GXYLT2: variants seen among roughly 807,000 people sequenced by gnomAD.
GXYLT2 encodes glucoside xylosyltransferase 2.
In GXYLT2, 53 loss-of-function variants were observed where a neutral mutation model predicts 45.8. The ratio of observed to expected loss-of-function variants is 1.16; its 90% CI spans 0.93 to 1.46. The LOEUF (loss-of-function observed/expected upper bound fraction) is 1.46, where lower values mean the gene tolerates loss of function less well. Among genes scored for constraint, GXYLT2 ranks in the 40% most tolerant of loss-of-function variants. The pLI, the probability that GXYLT2 is intolerant of heterozygous loss-of-function variation, is 0.00. For synonymous variants in GXYLT2, 219 were observed against 214.2 expected (o/e 1.02, Z -0.19); for missense variants, 551 against 544.4 (o/e 1.01, Z -0.12).
chr3:72,909,153 C>T (rs1044953684), intron 2 of GXYLT2, among the ~76,000 whole-genome samples: 2 of 144,832 alleles, frequency 1.4e-5, no homozygotes, highest in Admixed American at 1.4e-4. Flanking sequence ...ATTGCACCCT[C>T]TGTTTCCTGG....
At chr3:72,944,816 A>G (rs544048688) in intron 3 of GXYLT2, among the ~76,000 whole-genome samples, 49 of 152,126 alleles carry the variant, frequency 3.2e-4, no homozygotes, top group African/African-American at 1.1e-3. Flanking sequence ...TTTAGTTTGC[A>G]GGGCATTTTC....
chr3:72,936,725 A>G (rs1012383841), intron 3 of GXYLT2, among the ~76,000 whole-genome samples: 4 of 152,214 alleles, frequency 2.6e-5, no homozygotes, highest in Non-Finnish European at 4.4e-5. Context: ...CAGGAAAAAC[A>G]CTTGTACAGA....
At chr3:72,901,663 C>T (rs1402285718) in intron 1 of GXYLT2, among the ~76,000 whole-genome samples, 1 of 142,968 alleles carries the variant, frequency 7.0e-6, no homozygotes, top group Admixed American at 7.3e-5. Flanking sequence ...TGGGTTCAAG[C>T]AATTCTCCTG....
chr3:72,945,171 C>T (rs1410559914), intron 3 of GXYLT2, among the ~76,000 whole-genome samples: 1 of 151,758 alleles, frequency 6.6e-6, no homozygotes, highest in Non-Finnish European at 1.5e-5. Context: ...GCCTGTAGTC[C>T]CTGCTACTAA....
chr3:72,970,699 CTAAAAATA>C (rs1710972717), intron 6 of GXYLT2, among the ~76,000 whole-genome samples: 1 of 151,934 alleles, frequency 6.6e-6, no homozygotes, highest in African/African-American at 2.4e-5. Flanking sequence ...CCCGTCTCTA[CTAAAAATA>C]CAAAATTAGC....
At chr3:72,966,458 C>CTTTTTTTTTTTTTTTTTTTT (rs10662974) in intron 5 of GXYLT2, among the ~76,000 whole-genome samples, 18 of 101,636 alleles carry the variant, frequency 1.8e-4, no homozygotes, top group African/African-American at 2.4e-4. Flanking sequence ...TTGTGTGTAT[C>CTTTTTTTTTTTTTTTTTTTT]TTTTTTTTTT....
intron 3 of GXYLT2, among the ~76,000 whole-genome samples, chr3:72,932,005 T>C (rs1710046494): frequency 6.6e-6 from 1 of 151,888 alleles, no homozygotes; most frequent in Non-Finnish European, 1.5e-5. Flanking sequence ...TGAATAATTG[T>C]ATTTCAATCA....
At chr3:72,897,781 C>G (rs1709321658) in intron 1 of GXYLT2, among the ~76,000 whole-genome samples, 1 of 152,154 alleles carries the variant, frequency 6.6e-6, no homozygotes, top group Non-Finnish European at 1.5e-5. Context: ...GAATTTGAAG[C>G]CAGGTCCATG....
chr3:72,897,899 T>C (rs1709323538), intron 1 of GXYLT2, among the ~76,000 whole-genome samples: 2 of 139,464 alleles, frequency 1.4e-5, no homozygotes, highest in Admixed American at 1.4e-4. Flanking sequence ...TGTTAGAACC[T>C]CTCTAGTTTT....
chr3:72,942,846 T>A (rs1160987265), intron 3 of GXYLT2, among the ~76,000 whole-genome samples: 1 of 152,116 alleles, frequency 6.6e-6, no homozygotes, highest in East Asian at 1.9e-4. Flanking sequence ...ATCTTGGAAC[T>A]GAAAGAGGAG....
At chr3:72,972,942 A>T (rs909391981) in intron 6 of GXYLT2, among the ~76,000 whole-genome samples, 7 of 151,856 alleles carry the variant, frequency 4.6e-5, no homozygotes, top group African/African-American at 1.7e-4. Flanking sequence ...AGGAAAAAAA[A>T]TAGTAACAAC....
At chr3:72,924,192 C>CT (rs10635700) in intron 3 of GXYLT2, among the ~76,000 whole-genome samples, 6,411 of 136,760 alleles carry the variant, frequency 0.047, 446 homozygotes, top group African/African-American at 0.16. Context: ...TGGTCTTTGT[C>CT]TTTTTTTTTT....
chr3:72,920,064 T>A (rs1025721624), intron 2 of GXYLT2, among the ~76,000 whole-genome samples: 3 of 152,134 alleles, frequency 2.0e-5, no homozygotes, highest in Admixed American at 6.5e-5. Context: ...GAAACTCTGA[T>A]TTCTGCTCAA....
At chr3:72,972,762 TAA>T (rs778605805) in intron 6 of GXYLT2, among the ~76,000 whole-genome samples, 62 of 67,574 alleles carry the variant, frequency 9.2e-4, no homozygotes, top group African/African-American at 1.9e-3. Context: ...CTACAAAAAT[TAA>T]AAAAAAAAAA....
At chr3:72,915,621 G>T (rs929109741) in intron 2 of GXYLT2, among the ~76,000 whole-genome samples, 11 of 151,944 alleles carry the variant, frequency 7.2e-5, no homozygotes, top group Non-Finnish European at 8.8e-5. Flanking sequence ...CGGATCACCT[G>T]AGGTTGGGAG....
intron 3 of GXYLT2, among the ~76,000 whole-genome samples, chr3:72,947,925 G>C (rs1488971554): frequency 1.3e-5 from 2 of 152,154 alleles, no homozygotes; most frequent in African/African-American, 2.4e-5. Context: ...ACGATGTAAG[G>C]ATCAACCCAT....
At chr3:72,964,332 CT>C (rs912047645) in intron 5 of GXYLT2, among the ~76,000 whole-genome samples, 31 of 150,610 alleles carry the variant, frequency 2.1e-4, no homozygotes, top group Non-Finnish European at 1.0e-4. Context: ...TTTTTCTTTT[CT>C]TTTTTTTGAG....
rs538575377 is a variant in GXYLT2 at position 72,906,592 on chromosome 3, C to A, written c.276-1775C>A. Among the ~76,000 whole-genome samples, 587 of 124,674 alleles carry A rather than the reference C, an allele frequency of 4.7e-3. 1 individual carries two copies. Among genetic ancestry groups the A allele is most frequent in the Non-Finnish European group, 8.0e-3 (454 of 56,956 alleles). 81.8% of individuals were successfully genotyped at this position (124,674 alleles called of 152,430 possible). On this transcript the variant is annotated intron_variant, in intron 1 of 6. Transcript: ENST00000389617. The stretch of plus-strand genomic sequence containing the variant: ...AGAACGTAAGTTCTTCCAGTGCAGG[C>A]GTCTTTGTTTTGTTCACTGTCTTCC...
chr3:72,954,437 T>C (rs146677272), intron 3 of GXYLT2, among the ~76,000 whole-genome samples: 1 of 42,060 alleles, frequency 2.4e-5, no homozygotes, highest in Admixed American at 2.7e-4. Context: ...GTGTGTGTAT[T>C]TGTATTTATA....
Sources: allele counts gnomAD v4.1 joint callset (sites outside exome capture counted in the v4.1 genomes callset), GRCh38; gene constraint gnomAD v4.1.1; transcripts MANE v1.5; gene names NCBI Gene and HGNC (gene_info 2026-07-23, HGNC 2026-07-21).